PCDHGA6: variants seen among roughly 807,000 people sequenced by gnomAD.
PCDHGA6 encodes the protein protocadherin gamma subfamily A, 6.
In PCDHGA6, 41 loss-of-function variants were observed where a neutral mutation model predicts 60.6. That is an observed-to-expected ratio of 0.68 (90% CI 0.53 to 0.88). The LOEUF (loss-of-function observed/expected upper bound fraction) is 0.88. Ranked by LOEUF, PCDHGA6 falls within the 40% of genes least tolerant of loss-of-function variation. The pLI is 0.00. For synonymous variants in PCDHGA6, 594 were observed against 524.4 expected, an observed-to-expected ratio of 1.13 and a Z score of -1.81; for missense variants, 1,312 against 1,203.0, an observed-to-expected ratio of 1.09 and a Z score of -1.34.
intron 1 of PCDHGA6, among the ~76,000 whole-genome samples, chr5:141,457,537 T>C (rs967428207): frequency 6.6e-6 from 1 of 152,228 alleles, no homozygotes; most frequent in Non-Finnish European, 1.5e-5. Context: ...TAGGGTTTAA[T>C]GACAAATGTA....
chr5:141,394,536 G>A lies in PCDHGA6; in HGVS notation c.2424+18029G>A. The A allele has an allele frequency of 1.2e-6, 2 of 1,614,188 alleles. No individual in the cohort carries two copies. Among genetic ancestry groups the A allele is most frequent in the Middle Eastern group, 1.7e-4 (1 of 6,058 alleles). Reference sequence around the variant, plus strand: ...CCTCCCCACAGACGGTTCCACTGGCGTGGAGCTGGCGCCCCGCTCCGCAGA... The same window carrying A: ...CCTCCCCACAGACGGTTCCACTGGCATGGAGCTGGCGCCCCGCTCCGCAGA... On this transcript the variant is annotated intron_variant, in intron 1 of 3. Transcript: ENST00000517434.
Position 141,464,279 on chromosome 5 carries a change from CA to C in PCDHGA6, c.2425-30517del, listed in dbSNP as rs373828487. Among the ~76,000 whole-genome samples, 143 of 137,732 alleles carry C rather than the reference CA, an allele frequency of 1.0e-3. 2 individuals are homozygous for C. The Middle Eastern group carries it at 0.015, about 15-fold the overall frequency. 90.4% of individuals were successfully genotyped at this position (137,732 alleles called of 152,430 possible). A position where few individuals can be genotyped will look rare whatever the true frequency, so the allele number is the denominator to read the frequency against. The stretch of plus-strand genomic sequence containing the variant: ...GACTCCGTCTAAAAAAAAAAAAAAG[CA>C]AAAAAAAAAACTCCATTGTATGTGC... On this transcript the variant is annotated intron_variant, in intron 1 of 3. Transcript: ENST00000517434.
At chr5:141,394,532 T>A (rs1259695027) in intron 1 of PCDHGA6, 3 of 1,614,070 alleles carry the variant, frequency 1.9e-6, no homozygotes, top group African/African-American at 2.7e-5. Flanking sequence ...ACGGTTCCAC[T>A]GGCGTGGAGC....
At chr5:141,415,895 G>A in intron 1 of PCDHGA6, 1 of 898,210 alleles carries the variant, frequency 1.1e-6, no homozygotes, top group Non-Finnish European at 1.5e-6. Flanking sequence ...CAATTCCTAA[G>A]ACAGACTTCC....
At position 141,489,295 on chromosome 5, in the gene PCDHGA6, T is replaced by C. The variant is rs2099685128; in HGVS notation, c.2425-5512T>C. 1.3e-6 allele frequency: 2 copies of C among 1,581,054 alleles called. No individual in the cohort carries two copies. The highest frequency in any genetic ancestry group is 1.7e-5 in the Admixed American group (1 of 57,148). ...TGGGAAATGGCAAGTGCTGTGCATG[T>C]TGTCCTTGTGCTGCTGGGGCTGGGT... On this transcript the variant is annotated intron_variant, in intron 1 of 3. Transcript: ENST00000517434. The surrounding 1 kb of genome is among the most constrained non-coding windows in gnomAD (Gnocchi z 4.5).
At chr5:141,423,123 A>C in intron 1 of PCDHGA6, 1 of 1,613,760 alleles carries the variant, frequency 6.2e-7, no homozygotes. Flanking sequence ...CAGCGCGGGC[A>C]CTGCTGGACA....
intron 1 of PCDHGA6, among the ~76,000 whole-genome samples, chr5:141,452,761 G>A (rs1291983570): frequency 6.6e-6 from 1 of 152,036 alleles, no homozygotes; most frequent in East Asian, 1.9e-4. Flanking sequence ...AGGAAGGGAG[G>A]GAGGGAAAAC....
chr5:141,507,601 A>G (rs2099861935), intron 3 of PCDHGA6, among the ~76,000 whole-genome samples: 1 of 152,254 alleles, frequency 6.6e-6, no homozygotes, highest in South Asian at 2.1e-4. Flanking sequence ...TGAGGGAAAT[A>G]AACAGGTATA....
rs766638463 is a variant in PCDHGA6 at position 141,476,525 on chromosome 5, A to G, written c.2425-18282A>G. ...CAACGACAACAATCCTGCTTTCCCT[A>G]CCCAGGAAATGAAATTGGAGATTAG... On this transcript the variant is annotated intron_variant, in intron 1 of 3. Transcript: ENST00000517434. This position sits in a 1 kb window ranked among gnomAD's most constrained non-coding sequence, Gnocchi z 7.6. 6 of 1,613,950 alleles carry G rather than the reference A, an allele frequency of 3.7e-6. No homozygotes were observed. The African/African-American group carries it at 6.7e-5, about 18-fold the overall frequency.
At chr5:141,399,644 A>G (rs2093855347) in intron 1 of PCDHGA6, 2 of 1,613,810 alleles carry the variant, frequency 1.2e-6, no homozygotes, top group Non-Finnish European at 8.5e-7. Context: ...ATGAGCGCGC[A>G]AAGTGGGGTG....
intron 1 of PCDHGA6, among the ~76,000 whole-genome samples, chr5:141,401,572 C>T (rs1013014550): frequency 3.3e-5 from 5 of 152,268 alleles, no homozygotes; most frequent in Middle Eastern, 3.4e-3. Flanking sequence ...TTCTCTTGCT[C>T]GGAATCCTGA....
At chr5:141,414,916 C>T in intron 1 of PCDHGA6, 2 of 1,614,194 alleles carry the variant, frequency 1.2e-6, no homozygotes, top group Non-Finnish European at 1.7e-6. Context: ...AGGCGTGGAG[C>T]TGGCGCCCCG....
intron 1 of PCDHGA6, chr5:141,394,449 A>G (rs773696678): frequency 2.5e-6 from 4 of 1,614,112 alleles, no homozygotes; most frequent in Admixed American, 1.7e-5. Context: ...CAGCAGCAAC[A>G]TGTCACTGAG....
At chr5:141,393,088 G>A in intron 1 of PCDHGA6, 3 of 1,613,648 alleles carry the variant, frequency 1.9e-6, no homozygotes, top group Non-Finnish European at 2.5e-6. Context: ...AGGATAGATC[G>A]GGAGGAGCTC....
chr5:141,447,023 G>GTTT, intron 1 of PCDHGA6, among the ~76,000 whole-genome samples: 1 of 151,542 alleles, frequency 6.6e-6, no homozygotes, highest in African/African-American at 2.4e-5. Context: ...GTTTTGTTTT[G>GTTT]TTTTTTTTCT....
chr5:141,476,091 G>A lies in PCDHGA6; in HGVS notation c.2425-18716G>A. The A allele has an allele frequency of 2.6e-6, 4 of 1,563,192 alleles. No individual in the cohort carries two copies. The highest frequency in any genetic ancestry group is 3.5e-6 in the Non-Finnish European group (4 of 1,159,278). On this transcript the variant is annotated intron_variant, in intron 1 of 3. Transcript: ENST00000517434. The surrounding 1 kb of genome is among the most constrained non-coding windows in gnomAD (Gnocchi z 7.6). ...AAATCTCAGGGACGATCTGGACCCCGCTGAGAGGAACTGCTTTTGAGTGAG... is the reference window on the plus strand; with the variant it reads ...AAATCTCAGGGACGATCTGGACCCCACTGAGAGGAACTGCTTTTGAGTGAG...
At chr5:141,507,120 T>TA (rs1256499995) in intron 3 of PCDHGA6, 2 of 152,206 alleles carry the variant, frequency 1.3e-5, no homozygotes, top group African/African-American at 4.8e-5. Context: ...TGGCTGCCTT[T>TA]GGATCCAGCC....
In PCDHGA6 at chr5:141,453,631, T is replaced by C. The variant is rs114710858; in HGVS notation, c.2425-41176T>C. On this transcript the variant is annotated intron_variant, in intron 1 of 3. Transcript: ENST00000517434. ...AACGCAAAAACAAAACCTATACATATTTATATTTTCTTATGTCCTCTTCTT... is the reference window on the plus strand; with the variant it reads ...AACGCAAAAACAAAACCTATACATACTTATATTTTCTTATGTCCTCTTCTT... Among the ~76,000 whole-genome samples the C allele has an allele frequency of 8.2e-3, 1,249 of 152,332 alleles. 7 individuals are homozygous for C. Among genetic ancestry groups the C allele is most frequent in the Non-Finnish European group, 0.013 (893 of 68,030 alleles).
At chr5:141,398,936 AC>A in intron 1 of PCDHGA6, 1 of 1,613,962 alleles carries the variant, frequency 6.2e-7, no homozygotes, top group East Asian at 2.2e-5. Context: ...ACTGACCAAG[AC>A]GAGGGCATCA....
Sources: allele counts gnomAD v4.1 joint callset (sites outside exome capture counted in the v4.1 genomes callset), GRCh38; gene constraint gnomAD v4.1.1; non-coding constraint Gnocchi (gnomAD v3.1); transcripts MANE v1.5; gene names NCBI Gene and HGNC (gene_info 2026-07-23, HGNC 2026-07-21).